DLG2: variants seen among roughly 807,000 people sequenced by gnomAD.
DLG2 encodes the protein discs large MAGUK scaffold protein 2, also known as disks large homolog 2.
A neutral mutation model predicts 132.5 loss-of-function variants in DLG2; 45 were observed. The ratio of observed to expected loss-of-function variants is 0.34; its 90% confidence interval spans 0.27 to 0.44. DLG2 has a LOEUF of 0.44. Ranked by LOEUF, DLG2 falls within the 20% of genes least tolerant of loss-of-function variation. DLG2 has a pLI of 1.00. For synonymous variants in DLG2, 424 were observed against 419.6 expected (o/e 1.01, Z -0.13); for missense variants, 1,045 against 1,196.9 (o/e 0.87, Z 1.87).
intron 7 of DLG2, among the ~76,000 whole-genome samples, chr11:84,407,102 C>T (rs921844315): frequency 6.6e-6 from 1 of 152,130 alleles, no homozygotes; most frequent in African/African-American, 2.4e-5. Flanking sequence ...GCACCTCAGT[C>T]CCCACCTGGT....
At chr11:84,881,953 G>A (rs1033846041) in intron 6 of DLG2, among the ~76,000 whole-genome samples, 1 of 152,018 alleles carries the variant, frequency 6.6e-6, no homozygotes, top group Admixed American at 6.6e-5. Flanking sequence ...TCTGTTTAAA[G>A]TTCTTAATAT....
At chr11:83,914,664 G>A (rs116369053) in intron 15 of DLG2, among the ~76,000 whole-genome samples, 2,770 of 152,152 alleles carry the variant, frequency 0.018, 90 homozygotes, top group African/African-American at 0.063. Flanking sequence ...GAGGCTACAC[G>A]GCTAGTGAGT....
rs1410446131 is a variant in DLG2 at position 84,853,325 on chromosome 11, G to A, written c.357+258336C>T. ...TTTTATACTAAAGAGATAATATAACGTGAAAAGGGAAAGTTTCTTTTTCAA... is the reference window on the plus strand; with the variant it reads ...TTTTATACTAAAGAGATAATATAACATGAAAAGGGAAAGTTTCTTTTTCAA... On this transcript the variant is annotated intron_variant, in intron 6 of 27. Coordinates refer to ENST00000376104, the MANE Select transcript of DLG2 (RefSeq NM_001142699.3). Among the ~76,000 whole-genome samples, 5 of 151,942 alleles carry A rather than the reference G, an allele frequency of 3.3e-5. 1 individual carries two copies. In the South Asian group the frequency reaches 6.2e-4, roughly 19 times the overall value.
chr11:83,733,108 G>A (rs773869420), intron 18 of DLG2, among the ~76,000 whole-genome samples: 5 of 151,988 alleles, frequency 3.3e-5, no homozygotes, highest in African/African-American at 7.2e-5. Flanking sequence ...GGGCATGGTG[G>A]TGGGTGCTCG....
At position 84,799,751 on chromosome 11, in the gene DLG2, G is replaced by A. The variant is rs572660935; in HGVS notation, c.358-265020C>T. Among the ~76,000 whole-genome samples, 24 of 152,142 alleles carry A rather than the reference G, an allele frequency of 1.6e-4. No individual in the cohort carries two copies. In the East Asian group the frequency reaches 3.1e-3, roughly 20 times the overall value. Reference sequence around the variant, plus strand: ...ACTGTAAAGTGTTAAATCCAAAGGCGTCCAGGAAATATTCAAGAGGTAGTT... The same window carrying A: ...ACTGTAAAGTGTTAAATCCAAAGGCATCCAGGAAATATTCAAGAGGTAGTT... On this transcript the variant is annotated intron_variant, in intron 6 of 27. Coordinates refer to ENST00000376104, the MANE Select transcript of DLG2 (RefSeq NM_001142699.3).
chr11:84,348,389 T>C (rs2154410363), intron 7 of DLG2, among the ~76,000 whole-genome samples: 1 of 152,334 alleles, frequency 6.6e-6, no homozygotes, highest in South Asian at 2.1e-4. Flanking sequence ...TTCTACATAT[T>C]TGCTTTCAAG....
chr11:83,615,280 T>C (rs2060636637), intron 19 of DLG2, among the ~76,000 whole-genome samples: 2 of 152,340 alleles, frequency 1.3e-5, no homozygotes, highest in South Asian at 2.1e-4. Context: ...GGCTATGTTG[T>C]GACAGGCACT....
At chr11:83,478,896 T>G (rs965939092) in intron 22 of DLG2, among the ~76,000 whole-genome samples, 2 of 151,992 alleles carry the variant, frequency 1.3e-5, no homozygotes, top group African/African-American at 4.8e-5. Flanking sequence ...TGGTCAATTC[T>G]TCTTGGCTTA....
At chr11:84,044,815 T>C (rs2096203126) in intron 11 of DLG2, among the ~76,000 whole-genome samples, 1 of 151,790 alleles carries the variant, frequency 6.6e-6, no homozygotes, top group Non-Finnish European at 1.5e-5. Context: ...CTGGATTTAA[T>C]GGTATCAGTG....
chr11:83,799,444 C>G (rs546141648), intron 17 of DLG2, among the ~76,000 whole-genome samples: 1 of 152,222 alleles, frequency 6.6e-6, no homozygotes, highest in South Asian at 2.1e-4. Flanking sequence ...GGATGTGATA[C>G]TATTGAAGTG....
At chr11:85,073,941 T>C (rs1474652964) in intron 6 of DLG2, among the ~76,000 whole-genome samples, 1 of 151,870 alleles carries the variant, frequency 6.6e-6, no homozygotes, top group African/African-American at 2.4e-5. Flanking sequence ...ATAATGTCCT[T>C]TGCAGCAACC....
chr11:84,642,065 C>T (rs11234105), intron 6 of DLG2, among the ~76,000 whole-genome samples: 9,667 of 138,134 alleles, frequency 0.07, 447 homozygotes, highest in South Asian at 0.19. Flanking sequence ...TATACGCACG[C>T]GTGTGTGTGT....
chr11:83,971,118 T>C (rs1402845849), intron 12 of DLG2, among the ~76,000 whole-genome samples: 2 of 152,188 alleles, frequency 1.3e-5, no homozygotes, highest in Admixed American at 6.6e-5. Flanking sequence ...CATTGTCTTT[T>C]TTATTCTTTT....
intron 3 of DLG2, among the ~76,000 whole-genome samples, chr11:85,432,085 C>A (rs1331389092): frequency 1.3e-5 from 2 of 152,196 alleles, no homozygotes; most frequent in African/African-American, 4.8e-5. Flanking sequence ...GAAGAGGAAC[C>A]TGACTGTTGA....
At chr11:85,385,363 C>G (rs1232135703) in intron 3 of DLG2, among the ~76,000 whole-genome samples, 1 of 152,120 alleles carries the variant, frequency 6.6e-6, no homozygotes, top group Non-Finnish European at 1.5e-5. Context: ...GAAGGAGCAG[C>G]TATAGGTTTT....
At chr11:83,967,708 CAGA>C (rs1468170267) in intron 12 of DLG2, among the ~76,000 whole-genome samples, 1 of 152,024 alleles carries the variant, frequency 6.6e-6, no homozygotes, top group Non-Finnish European at 1.5e-5. Context: ...CTTTGCTTTG[CAGA>C]AGATTTTGAA....
chr11:83,994,733 G>C (rs2093931181), intron 11 of DLG2, among the ~76,000 whole-genome samples: 1 of 152,108 alleles, frequency 6.6e-6, no homozygotes, highest in South Asian at 2.1e-4. Context: ...GTACTAAAAA[G>C]TAAGCATCGT....
Position 84,534,419 on chromosome 11 carries a change from C to T in DLG2, c.519+151G>A, listed in dbSNP as rs1202405643. 2.5e-5 allele frequency: 16 copies of T among 652,760 alleles called. No individual in the cohort carries two copies. The South Asian group carries it at 2.9e-4, about 12-fold the overall frequency. The allele number at this position is 652,760 out of a possible 1,614,324, so 40.4% of individuals were successfully genotyped here. ...ATATGTCCCAAAAATACAAGGTGGG[C>T]CTCCAATGCACAAGAAAGACCCTTT... On this transcript the variant is annotated intron_variant, in intron 7 of 27. Transcript: ENST00000376104.
intron 8 of DLG2, among the ~76,000 whole-genome samples, chr11:84,188,388 A>G (rs1017884946): frequency 6.6e-6 from 1 of 152,140 alleles, no homozygotes; most frequent in Non-Finnish European, 1.5e-5. Flanking sequence ...GCTCTCACAT[A>G]TATTATCTTA....
Sources: gnomAD v4.1 joint callset for allele counts (sites outside exome capture counted in the v4.1 genomes callset) on GRCh38, gnomAD v4.1.1 for gene constraint, MANE v1.5 for transcripts, NCBI Gene and HGNC (gene_info 2026-07-23, HGNC 2026-07-21) for gene names.